The following LTO1 variants were observed in gnomAD, a reference collection of about 807,000 sequenced individuals.
LTO1 encodes LTO1 maturation factor of ABCE1.
LTO1 carries 18 observed loss-of-function variants against 19.8 expected under a neutral mutation model. That is an observed-to-expected ratio of 0.91 (90% confidence interval 0.63 to 1.35). LTO1 has a LOEUF of 1.35. LTO1 is among the 40% of genes most tolerant of loss of function. The probability of loss-of-function intolerance (pLI) is 0.00; values close to 1 mark genes in which losing one functional copy is unlikely to be tolerated. For synonymous variants in LTO1, 59 were observed against 59.6 expected (o/e 0.99, Z 0.05); for missense variants, 175 against 167.9 (o/e 1.04, Z -0.23).
At chr11:69,668,069 C>A (rs1040797181) in intron 3 of LTO1, 57 bp from the exon 4 acceptor site, 31 of 848,038 alleles carry the variant, frequency 3.7e-5, no homozygotes, top group Non-Finnish European at 6.3e-5. Context: ...GCTCAACTTA[C>A]ACAACAGCTA....
chr11:69,675,120 C>A, intron 1 of LTO1, 70 bp downstream of exon 1: 1 of 1,425,688 alleles, frequency 7.0e-7, no homozygotes, highest in South Asian at 1.2e-5. Context: ...CGCCCTGGGC[C>A]GCAGCCGGCG....
Position 69,671,088 on chromosome 11 carries a change from A to C in LTO1, c.227+661T>G, listed in dbSNP as rs565720276. Reference sequence around the variant, plus strand: ...GCTAATTTTTGTATTTTTAGTAGAGACAGGGTTTCACCATATTGGCCAGGC... The same window carrying C: ...GCTAATTTTTGTATTTTTAGTAGAGCCAGGGTTTCACCATATTGGCCAGGC... On this transcript the variant is annotated intron_variant, in intron 3 of 4. Coordinates refer to ENST00000279147, the MANE Select transcript of LTO1 (RefSeq NM_153451.3). Among the ~76,000 whole-genome samples the C allele has an allele frequency of 3.3e-4, 50 of 152,196 alleles. No homozygotes were observed. The South Asian group carries it at 1.0e-2, about 30-fold the overall frequency.
chr11:69,670,307 G>A (rs553285488), intron 3 of LTO1, among the ~76,000 whole-genome samples: 4 of 152,366 alleles, frequency 2.6e-5, no homozygotes, highest in South Asian at 4.1e-4. Context: ...TCCAGGAGCC[G>A]GCAGATTCTG....
chr11:69,674,151 C>A (rs1799826370), intron 1 of LTO1, among the ~76,000 whole-genome samples: 1 of 152,142 alleles, frequency 6.6e-6, no homozygotes, highest in South Asian at 2.1e-4. Context: ...CCGCATCTGG[C>A]CCGGAATCTA....
rs140852788 is a variant in LTO1 at position 69,667,875 on chromosome 11, G to C, written c.345+20C>G. 732 of 1,146,026 alleles carry C rather than the reference G, an allele frequency of 6.4e-4. 1 individual carries two copies. The African/African-American group carries it at 0.01, about 16-fold the overall frequency. The allele number at this position is 1,146,026 out of a possible 1,614,324, so 71.0% of individuals were successfully genotyped here. ...CGCAATCAGGTGCTCCTAGCAGGAG[G>C]AAACACACAGTGCACGCACCTGTTT... On this transcript the variant is annotated intron_variant, in intron 4 of 4. Transcript: ENST00000279147.
intron 3 of LTO1, among the ~76,000 whole-genome samples, chr11:69,670,432 C>T (rs1186748418): frequency 6.6e-6 from 1 of 152,200 alleles, no homozygotes; most frequent in Non-Finnish European, 1.5e-5. Flanking sequence ...CACAGGCTGC[C>T]AACAGCGATT....
chr11:69,671,429 ACAAT>A, intron 3 of LTO1: 1 of 245,706 alleles, frequency 4.1e-6, no homozygotes, highest in Admixed American at 4.9e-5. Context: ...ATGAGAAAAT[ACAAT>A]CAATGTCAAC....
At chr11:69,670,323 G>A (rs964375343) in intron 3 of LTO1, among the ~76,000 whole-genome samples, 1 of 152,250 alleles carries the variant, frequency 6.6e-6, no homozygotes, top group Non-Finnish European at 1.5e-5. Context: ...TTCTGCCGCT[G>A]TGGGAGAAGG....
chr11:69,673,404 G>A (rs138692476), intron 1 of LTO1, 83 bp from the exon 2 acceptor site: 31 of 927,924 alleles, frequency 3.3e-5, no homozygotes, highest in South Asian at 1.2e-4. Flanking sequence ...TGTATTACCC[G>A]GACCCAGTAA....
chr11:69,672,813 A>AT (rs1241342453), intron 2 of LTO1: 2 of 307,996 alleles, frequency 6.5e-6, no homozygotes, highest in South Asian at 3.0e-5. Context: ...TTTTTTGTTT[A>AT]TTTTTTGGAG....
At chr11:69,669,815 CCGGAAAGCTAGTTACTCAA>C (rs1329644302) in intron 3 of LTO1, among the ~76,000 whole-genome samples, 1 of 152,176 alleles carries the variant, frequency 6.6e-6, no homozygotes, top group Non-Finnish European at 1.5e-5. Context: ...ACGCAGTTTA[CCGGAAAGCTAGTTACTCAA>C]CGGAAAGCAC....
At chr11:69,669,174 CAT>C (rs1273178125) in intron 3 of LTO1, among the ~76,000 whole-genome samples, 9 of 152,164 alleles carry the variant, frequency 5.9e-5, no homozygotes, top group South Asian at 2.1e-4. Flanking sequence ...ATAATCCACA[CAT>C]GTGTACATCT....
At chr11:69,668,137 G>A (rs1590922775) in intron 3 of LTO1, 125 bp from the exon 4 acceptor site, 1 of 662,498 alleles carries the variant, frequency 1.5e-6, no homozygotes, top group East Asian at 2.5e-5. Context: ...TTCAAAAGCT[G>A]GATGATTATT....
Position 69,673,689 on chromosome 11 carries a change from CTTTTTTTTTTT to C in LTO1, c.51-379_51-369del, listed in dbSNP as rs71046532. The stretch of plus-strand genomic sequence containing the variant: ...CCCTGGAATCTACTTTTCTTTCTTC[CTTTTTTTTTTT>C]TTTTTTTTTGAGACAGGGTCTCTGT... On this transcript the variant is annotated intron_variant, in intron 1 of 4. Coordinates refer to ENST00000279147, the MANE Select transcript of LTO1 (RefSeq NM_153451.3). Among the ~76,000 whole-genome samples, 252 of 121,238 alleles carry C rather than the reference CTTTTTTTTTTT, an allele frequency of 2.1e-3. 4 individuals carry two copies. The highest frequency in any genetic ancestry group is 7.1e-3 in the African/African-American group (232 of 32,880). The allele number at this position is 121,238 out of a possible 152,430, so 79.5% of individuals were successfully genotyped here.
rs761132970 is a variant in LTO1, at chr11:69,667,252, G to A, written c.*267C>T. 18 of 504,350 alleles carry A rather than the reference G, an allele frequency of 3.6e-5. 1 individual carries two copies. Among genetic ancestry groups the A allele is most frequent in the Non-Finnish European group, 5.9e-5 (17 of 285,716 alleles). 31.2% of individuals were successfully genotyped at this position (504,350 alleles called of 1,614,324 possible). A position where few individuals can be genotyped will look rare whatever the true frequency, so the allele number is the denominator to read the frequency against. ...CAGAACCAGCTAGGCCTGTGCTGCC[G>A]GAGAGGCTGTCAAGTCAATGCACGA... is the stretch of plus-strand genomic sequence containing the variant. On this transcript the variant is annotated 3_prime_UTR_variant, in exon 5 of 5. Transcript: ENST00000279147.
intron 1 of LTO1, among the ~76,000 whole-genome samples, chr11:69,673,790 C>A (rs1264272091): frequency 6.7e-6 from 1 of 149,640 alleles, no homozygotes; most frequent in Admixed American, 6.8e-5. Context: ...TGGGCTCAAG[C>A]GATCCTCCAG....
At chr11:69,674,942 G>T in intron 1 of LTO1, 1 of 689,194 alleles carries the variant, frequency 1.5e-6, no homozygotes, top group East Asian at 2.8e-5. Flanking sequence ...CAGATGTTTG[G>T]GGCAGCCCTG....
intron 1 of LTO1, among the ~76,000 whole-genome samples, chr11:69,673,793 T>C (rs1856147550): frequency 6.7e-6 from 1 of 148,664 alleles, no homozygotes; most frequent in South Asian, 2.2e-4. Flanking sequence ...GCTCAAGCGA[T>C]CCTCCAGCTT....
intron 3 of LTO1, chr11:69,668,269 G>A: frequency 2.5e-6 from 1 of 393,870 alleles, no homozygotes. Flanking sequence ...CGGGGCCAAG[G>A]GGCTGAGGCA....
Sources: gnomAD v4.1 joint callset for allele counts (sites outside exome capture counted in the v4.1 genomes callset) on GRCh38, gnomAD v4.1.1 for gene constraint, MANE v1.5 for transcripts, NCBI Gene and HGNC (gene_info 2026-07-23, HGNC 2026-07-21) for gene names.